Variants in GDA observed in about 807,000 individuals in gnomAD.
The protein encoded by GDA is guanine deaminase, also known as cytoplasmic PSD-95 interactor.
Under a neutral mutation model 59.6 loss-of-function variants are expected in GDA, and 18 were observed. The observed-to-expected ratio is 0.30, with a 90% CI of 0.21 to 0.45. The LOEUF (loss-of-function observed/expected upper bound fraction) is 0.45, where lower values mean the gene tolerates loss of function less well. GDA is among the 20% of genes least tolerant of loss of function. GDA has a pLI of 1.00. For missense variants in GDA, 427 were observed against 552.3 expected (o/e 0.77, Z 2.27); for synonymous variants, 201 against 201.1 (o/e 1.00, Z 0.00).
chr9:72,121,043 TTC>T, intron 1 of GDA, among the ~76,000 whole-genome samples: 1 of 152,276 alleles, frequency 6.6e-6, no homozygotes, highest in Admixed American at 6.5e-5. Flanking sequence ...CCACAGGCGT[TTC>T]AATACCCTCT....
chr9:72,216,545 A>C (rs963366162), intron 5 of GDA, among the ~76,000 whole-genome samples: 1 of 152,262 alleles, frequency 6.6e-6, no homozygotes, highest in African/African-American at 2.4e-5. Flanking sequence ...TTTTAAAAAC[A>C]CTGTGCTAAG....
downstream of GDA, among the ~76,000 whole-genome samples, chr9:72,256,295 G>T (rs1840882259): frequency 6.6e-6 from 1 of 152,084 alleles, no homozygotes; most frequent in Non-Finnish European, 1.5e-5. Context: ...ATTCATTTAA[G>T]CAACATTTCA....
At chr9:72,184,429 A>G (rs1831622555) in intron 1 of GDA, among the ~76,000 whole-genome samples, 1 of 152,166 alleles carries the variant, frequency 6.6e-6, no homozygotes, top group Non-Finnish European at 1.5e-5. Context: ...CCTTTTCCAG[A>G]ATGTCATATA....
rs866087954 is a variant in GDA at position 72,226,012 on chromosome 9, T to C, written c.822+228T>C. ...TAGTGTGTGTGTGTGTGTGTGTGTG[T>C]GTGCGTGTGTGTGTGTGTGTGTAGT... is the stretch of plus-strand genomic sequence containing the variant. On this transcript the variant is annotated intron_variant, in intron 8 of 13. Coordinates refer to ENST00000358399, the MANE Select transcript of GDA (RefSeq NM_004293.5). Among the ~76,000 whole-genome samples the C allele has an allele frequency of 3.7e-4, 54 of 145,152 alleles. 1 individual carries two copies. The highest frequency in any genetic ancestry group is 8.6e-4 in the South Asian group (4 of 4,678).
chr9:72,228,110 T>C, intron 9 of GDA, 70 bp downstream of exon 9: 1 of 852,676 alleles, frequency 1.2e-6, no homozygotes, highest in East Asian at 2.5e-5. Context: ...AATGCCTTTG[T>C]TTCCTCTGTC....
At chr9:72,198,530 C>CA (rs57886644) in intron 2 of GDA, among the ~76,000 whole-genome samples, 33,601 of 108,432 alleles carry the variant, frequency 0.31, 4,408 homozygotes, top group East Asian at 0.59. Flanking sequence ...GACTCCATCT[C>CA]AAAAAAAAAA....
chr9:72,182,468 G>T (rs141973730), intron 1 of GDA, among the ~76,000 whole-genome samples: 4 of 152,066 alleles, frequency 2.6e-5, no homozygotes, highest in Non-Finnish European at 4.4e-5. Flanking sequence ...TGCATTTTTG[G>T]CAGGGACATC....
intron 2 of GDA, among the ~76,000 whole-genome samples, chr9:72,201,333 G>T (rs1342969965): frequency 6.6e-6 from 1 of 151,988 alleles, no homozygotes; most frequent in Admixed American, 6.6e-5. Flanking sequence ...TATGTAGAAC[G>T]CTGTGCCAGT....
intron 10 of GDA, among the ~76,000 whole-genome samples, chr9:72,236,324 GA>G (rs1838982854): frequency 6.6e-6 from 1 of 152,140 alleles, no homozygotes; most frequent in East Asian, 1.9e-4. Context: ...ACCGCTTGGG[GA>G]TTAGAGACAG....
intron 1 of GDA, among the ~76,000 whole-genome samples, chr9:72,144,029 C>T (rs1201261627): frequency 6.6e-6 from 1 of 152,136 alleles, no homozygotes; most frequent in Non-Finnish European, 1.5e-5. Flanking sequence ...CGAGACCAGC[C>T]TGGTTACCAT....
intron 1 of GDA, among the ~76,000 whole-genome samples, chr9:72,142,893 C>G (rs956869144): frequency 6.6e-6 from 1 of 150,944 alleles, no homozygotes; most frequent in East Asian, 2.0e-4. Context: ...CTCAGCCTTC[C>G]TGAGTAGCTG....
At chr9:72,119,222 G>C (rs1002310453) in intron 1 of GDA, among the ~76,000 whole-genome samples, 14 of 152,088 alleles carry the variant, frequency 9.2e-5, no homozygotes, top group African/African-American at 3.4e-4. Flanking sequence ...TAGCATATTT[G>C]GGCCAGGCGC....
At chr9:72,150,200 A>G (rs1827014177) in intron 1 of GDA, among the ~76,000 whole-genome samples, 2 of 152,304 alleles carry the variant, frequency 1.3e-5, no homozygotes, top group African/African-American at 4.8e-5. Flanking sequence ...CTATCATTCA[A>G]CAGAGATAAT....
chr9:72,229,969 AAATT>A (rs1209393424), intron 9 of GDA, among the ~76,000 whole-genome samples: 2 of 152,222 alleles, frequency 1.3e-5, no homozygotes, highest in Non-Finnish European at 2.9e-5. Flanking sequence ...AATATCCTCT[AAATT>A]AAAGCATAAT....
intron 10 of GDA, among the ~76,000 whole-genome samples, chr9:72,239,437 A>G (rs1257990211): frequency 6.6e-6 from 1 of 152,058 alleles, no homozygotes; most frequent in Non-Finnish European, 1.5e-5. Flanking sequence ...GTTATATTTT[A>G]TACCTTATTT....
chr9:72,195,038 T>C (rs1251522877), intron 1 of GDA, among the ~76,000 whole-genome samples: 1 of 152,166 alleles, frequency 6.6e-6, no homozygotes, highest in Non-Finnish European at 1.5e-5. Flanking sequence ...TCAAGACTGG[T>C]TTTTGTATCT....
chr9:72,183,683 A>G (rs78674986), intron 1 of GDA, among the ~76,000 whole-genome samples: 3,890 of 152,300 alleles, frequency 0.026, 175 homozygotes, highest in African/African-American at 0.088. Flanking sequence ...TATCCTCTGC[A>G]AAATGGGGCT....
At chr9:72,183,317 C>T (rs915574838) in intron 1 of GDA, among the ~76,000 whole-genome samples, 4 of 152,100 alleles carry the variant, frequency 2.6e-5, no homozygotes, top group African/African-American at 7.2e-5. Context: ...TTGCCCATTC[C>T]ACCTGCCTCC....
intron 10 of GDA, 85 bp downstream of exon 10, chr9:72,231,266 C>A: frequency 2.7e-6 from 2 of 733,182 alleles, no homozygotes; most frequent in South Asian, 1.5e-5. Flanking sequence ...GGTGACTGTT[C>A]TGTTTAAAAA....
Sources: allele counts gnomAD v4.1 joint callset (sites outside exome capture counted in the v4.1 genomes callset), GRCh38; gene constraint gnomAD v4.1.1; transcripts MANE v1.5; gene names NCBI Gene and HGNC (gene_info 2026-07-23, HGNC 2026-07-21).